GPATCH2: variants seen among roughly 807,000 people sequenced by gnomAD.
GPATCH2 encodes the protein G-patch domain containing 2, also known as G patch domain-containing protein 2.
A neutral mutation model predicts 58.0 loss-of-function variants in GPATCH2; 51 were observed. The ratio of observed to expected loss-of-function variants is 0.88; its 90% CI spans 0.70 to 1.11. The LOEUF is 1.11. Among genes scored for constraint, GPATCH2 ranks in the 50% most tolerant of loss-of-function variants. GPATCH2 has a pLI of 0.00. For missense variants in GPATCH2, 625 were observed against 652.2 expected, an observed-to-expected ratio of 0.96 and a Z score of 0.45; for synonymous variants, 222 against 218.5, an observed-to-expected ratio of 1.02 and a Z score of -0.14.
chr1:217,528,020 T>C (rs555021989), intron 5 of GPATCH2, among the ~76,000 whole-genome samples: 25 of 152,342 alleles, frequency 1.6e-4, no homozygotes, highest in Non-Finnish European at 2.8e-4. Context: ...ATGAGACTTA[T>C]GCTGAGTGTT....
intron 5 of GPATCH2, among the ~76,000 whole-genome samples, chr1:217,547,865 C>T (rs1665144408): frequency 6.6e-6 from 1 of 152,104 alleles, no homozygotes. Flanking sequence ...TGGGGGTGAA[C>T]TTCCCTTTGC....
chr1:217,539,181 A>G (rs1489936920), intron 5 of GPATCH2, among the ~76,000 whole-genome samples: 1 of 152,176 alleles, frequency 6.6e-6, no homozygotes, highest in African/African-American at 2.4e-5. Context: ...ATTGACAAGT[A>G]TGAGCTCGAT....
Position 217,631,022 on chromosome 1 carries a change from C to T in GPATCH2, c.-51G>A, listed in dbSNP as rs564807318. ...GAAGCTCAGGCCCGTGAACAGACTC[C>T]AACTACAACAGCACCGGCGACTTCC... is the stretch of plus-strand genomic sequence containing the variant. On this transcript the variant is annotated 5_prime_UTR_variant, in exon 1 of 10. Transcript: ENST00000366935. 27 of 1,498,996 alleles carry T rather than the reference C, an allele frequency of 1.8e-5. No individual in the cohort carries two copies. The East Asian group carries it at 4.1e-4, about 23-fold the overall frequency. The allele number at this position is 1,498,996 out of a possible 1,614,324, so 92.9% of individuals were successfully genotyped here. A position where few individuals can be genotyped will look rare whatever the true frequency, so the allele number is the denominator to read the frequency against.
At chr1:217,590,024 C>CT (rs771810707) in intron 5 of GPATCH2, among the ~76,000 whole-genome samples, 2,523 of 138,536 alleles carry the variant, frequency 0.018, 41 homozygotes, top group African/African-American at 0.04. Context: ...TGTACAACGT[C>CT]TTTTTTTTTT....
Position 217,514,843 on chromosome 1 carries a change from GA to G in GPATCH2, c.1144del (p.Ser382ProfsTer25). ...TCACTCATGGTGATGAGAATCCGGGGAAAAATGAACCATTCTCTTGTTACCC... is the reference window on the plus strand; with the variant it reads ...TCACTCATGGTGATGAGAATCCGGGGAAAATGAACCATTCTCTTGTTACCC... Reference protein sequence around the residue: ...PVGNKRMVHFSPDSHHHDHWF... With the variant: ...PVGNKRMVHFXPDSHHHDHWF... On this transcript the variant is annotated frameshift_variant, in exon 6 of 10. Transcript: ENST00000366935. LOFTEE classifies it high-confidence loss of function. 36 of 1,523,446 alleles carry G rather than the reference GA, an allele frequency of 2.4e-5. No individual in the cohort carries two copies. Among genetic ancestry groups the G allele is most frequent in the Non-Finnish European group, 2.9e-5 (32 of 1,097,704 alleles). 94.4% of individuals were successfully genotyped at this position (1,523,446 alleles called of 1,614,324 possible). A position where few individuals can be genotyped will look rare whatever the true frequency, so the allele number is the denominator to read the frequency against.
At chr1:217,570,990 A>G (rs945160861) in intron 5 of GPATCH2, among the ~76,000 whole-genome samples, 3 of 152,256 alleles carry the variant, frequency 2.0e-5, no homozygotes, top group African/African-American at 7.2e-5. Flanking sequence ...GAATTGGAAT[A>G]AATCTGTAAA....
intron 5 of GPATCH2, among the ~76,000 whole-genome samples, chr1:217,568,393 T>A (rs1052544101): frequency 6.6e-6 from 1 of 151,990 alleles, no homozygotes. Context: ...ACAAAATAGA[T>A]AAGAATCTCT....
chr1:217,463,398 A>G (rs574643847), intron 8 of GPATCH2, among the ~76,000 whole-genome samples: 1 of 152,128 alleles, frequency 6.6e-6, no homozygotes, highest in Admixed American at 6.5e-5. Context: ...GGTATATCGC[A>G]TTCAAGGTAA....
intron 3 of GPATCH2, among the ~76,000 whole-genome samples, chr1:217,613,286 G>A (rs1263203774): frequency 1.3e-5 from 2 of 151,986 alleles, no homozygotes; most frequent in Non-Finnish European, 2.9e-5. Flanking sequence ...TTTTTGTACT[G>A]CCAAAAGGAT....
At chr1:217,440,243 C>T (rs1659070085) in intron 9 of GPATCH2, among the ~76,000 whole-genome samples, 1 of 152,194 alleles carries the variant, frequency 6.6e-6, no homozygotes, top group African/African-American at 2.4e-5. Flanking sequence ...ATCACATAAA[C>T]AGAACCAATG....
chr1:217,612,884 G>A (rs1668697973), intron 3 of GPATCH2, among the ~76,000 whole-genome samples: 1 of 152,048 alleles, frequency 6.6e-6, no homozygotes, highest in Non-Finnish European at 1.5e-5. Context: ...ATCTCAAAGG[G>A]ATTTTAAGAA....
intron 5 of GPATCH2, among the ~76,000 whole-genome samples, chr1:217,549,498 G>A (rs999643162): frequency 6.6e-6 from 1 of 152,132 alleles, no homozygotes; most frequent in African/African-American, 2.4e-5. Context: ...TTTATTTGAT[G>A]TAGTATCTTC....
chr1:217,534,913 T>C (rs932672785), intron 5 of GPATCH2, among the ~76,000 whole-genome samples: 1 of 152,266 alleles, frequency 6.6e-6, no homozygotes, highest in African/African-American at 2.4e-5. Context: ...TTCAAATTCA[T>C]GTTTTGTCAC....
chr1:217,602,847 C>T (rs934608904), intron 5 of GPATCH2, among the ~76,000 whole-genome samples: 6 of 152,036 alleles, frequency 3.9e-5, no homozygotes, highest in Non-Finnish European at 8.8e-5. Flanking sequence ...GTGAGTATTT[C>T]AAAAATAACT....
At chr1:217,540,038 T>A (rs1353076065) in intron 5 of GPATCH2, among the ~76,000 whole-genome samples, 2 of 152,210 alleles carry the variant, frequency 1.3e-5, no homozygotes, top group Admixed American at 6.5e-5. Context: ...CAACCTGAAA[T>A]TTTCCAATCT....
At chr1:217,532,518 G>C (rs918264539) in intron 5 of GPATCH2, among the ~76,000 whole-genome samples, 3 of 152,066 alleles carry the variant, frequency 2.0e-5, no homozygotes, top group Non-Finnish European at 4.4e-5. Flanking sequence ...AAAGGCCCCT[G>C]AATTTATGGG....
intron 7 of GPATCH2, chr1:217,495,170 A>G (rs893952309): frequency 1.0e-5 from 2 of 190,630 alleles, no homozygotes; most frequent in Non-Finnish European, 1.9e-5. Context: ...GCTGAATTAA[A>G]CCAGGAAGAA....
intron 5 of GPATCH2, among the ~76,000 whole-genome samples, chr1:217,533,253 A>G (rs1219371414): frequency 6.6e-6 from 1 of 152,078 alleles, no homozygotes; most frequent in Admixed American, 6.6e-5. Flanking sequence ...TATACTCTTA[A>G]AAATGATGGA....
intron 1 of GPATCH2, among the ~76,000 whole-genome samples, chr1:217,623,868 C>T (rs1205467891): frequency 6.6e-6 from 1 of 152,102 alleles, no homozygotes; most frequent in Non-Finnish European, 1.5e-5. Flanking sequence ...CAACATTGCA[C>T]TCCAGCCTGG....
Sources: allele counts gnomAD v4.1 joint callset (sites outside exome capture counted in the v4.1 genomes callset), GRCh38; gene constraint gnomAD v4.1.1; transcripts MANE v1.5; gene names NCBI Gene and HGNC (gene_info 2026-07-23, HGNC 2026-07-21).